Variants in RASGRP3 observed in about 807,000 individuals in gnomAD.
RASGRP3 encodes the protein RAS guanyl releasing protein 3, also known as ras guanyl-releasing protein 3.
A neutral mutation model predicts 82.7 loss-of-function variants in RASGRP3; 54 were observed. The ratio of observed to expected loss-of-function variants is 0.65; its 90% CI spans 0.52 to 0.82. The LOEUF (loss-of-function observed/expected upper bound fraction) is 0.82, where lower values mean the gene tolerates loss of function less well. Among genes scored for constraint, RASGRP3 ranks in the 40% least tolerant of loss-of-function variants. The pLI, the probability that RASGRP3 is intolerant of heterozygous loss-of-function variation, is 0.00. For synonymous variants in RASGRP3, 309 were observed against 300.5 expected, an observed-to-expected ratio of 1.03 and a Z score of -0.29; for missense variants, 861 against 828.9, an observed-to-expected ratio of 1.04 and a Z score of -0.48.
intron 1 of RASGRP3, among the ~76,000 whole-genome samples, chr2:33,490,443 C>T (rs1256546401): frequency 6.6e-6 from 1 of 152,236 alleles, no homozygotes; most frequent in Non-Finnish European, 1.5e-5. Context: ...GTGTTAAATT[C>T]TAAAAAAGCA....
chr2:33,556,433 G>A lies in RASGRP3; in HGVS notation c.1579+866G>A, dbSNP rs1366606189. Among the ~76,000 whole-genome samples the A allele has an allele frequency of 6.6e-5, 7 of 106,838 alleles. 2 individuals are homozygous for A. The highest frequency in any genetic ancestry group is 3.6e-4 in the African/African-American group (7 of 19,230). 70.1% of individuals were successfully genotyped at this position (106,838 alleles called of 152,430 possible). Reference sequence around the variant, plus strand: ...CGGCTAATTTTTTGTATTTTTAGTAGAGACGGGGTTTCACCTTGTTAGCCA... The same window carrying A: ...CGGCTAATTTTTTGTATTTTTAGTAAAGACGGGGTTTCACCTTGTTAGCCA... On this transcript the variant is annotated intron_variant, in intron 15 of 17. Coordinates refer to ENST00000403687, the MANE Select transcript of RASGRP3 (RefSeq NM_001139488.2).
intron 1 of RASGRP3, among the ~76,000 whole-genome samples, chr2:33,445,103 T>C (rs1665431119): frequency 6.6e-6 from 1 of 152,238 alleles, no homozygotes; most frequent in Non-Finnish European, 1.5e-5. Context: ...GGATAGGAAG[T>C]ATGCTATAAT....
At chr2:33,559,489 A>C in intron 17 of RASGRP3, 1 of 383,496 alleles carries the variant, frequency 2.6e-6, no homozygotes, top group Non-Finnish European at 5.2e-6. Context: ...ATCATGGAAA[A>C]GGGGGTGGTG....
At chr2:33,479,518 G>T (rs1264314800) in intron 1 of RASGRP3, among the ~76,000 whole-genome samples, 2 of 152,114 alleles carry the variant, frequency 1.3e-5, no homozygotes, top group Non-Finnish European at 2.9e-5. Context: ...GTAGGTTGTT[G>T]ATGAATAGAA....
chr2:33,495,343 G>A (rs1669209596), intron 1 of RASGRP3, among the ~76,000 whole-genome samples: 1 of 152,166 alleles, frequency 6.6e-6, no homozygotes, highest in Non-Finnish European at 1.5e-5. Flanking sequence ...TTTTCATAAG[G>A]AGCATATAAC....
intron 2 of RASGRP3, among the ~76,000 whole-genome samples, chr2:33,451,190 C>G (rs1464578621): frequency 2.0e-5 from 3 of 151,986 alleles, no homozygotes; most frequent in African/African-American, 7.2e-5. Flanking sequence ...ACCTATTGGC[C>G]ATTTGTATTT....
intron 10 of RASGRP3, chr2:33,532,732 T>A (rs1485671328): frequency 1.3e-5 from 2 of 152,130 alleles, no homozygotes; most frequent in African/African-American, 4.8e-5. Flanking sequence ...TTATTTTGTT[T>A]AGAAAAAAAA....
chr2:33,494,448 C>G (rs1669132558), intron 1 of RASGRP3, among the ~76,000 whole-genome samples: 1 of 152,190 alleles, frequency 6.6e-6, no homozygotes, highest in Non-Finnish European at 1.5e-5. Flanking sequence ...GTGACTCATT[C>G]TAAGGGCTAG....
At chr2:33,552,764 G>T (rs1009089856) in intron 14 of RASGRP3, among the ~76,000 whole-genome samples, 34 of 151,628 alleles carry the variant, frequency 2.2e-4, no homozygotes, top group African/African-American at 8.1e-4. Context: ...TGTAGATGAA[G>T]AAACTGAGGT....
At chr2:33,530,497 C>CTTTTTT (rs746592952) in intron 10 of RASGRP3, among the ~76,000 whole-genome samples, 3 of 117,108 alleles carry the variant, frequency 2.6e-5, no homozygotes, top group Non-Finnish European at 3.4e-5. Context: ...CTGCCCCTTC[C>CTTTTTT]TTTTTTTTTT....
At chr2:33,535,847 TAGTTTTGTCATG>T (rs1351031425) in intron 11 of RASGRP3, among the ~76,000 whole-genome samples, 5 of 152,242 alleles carry the variant, frequency 3.3e-5, no homozygotes, top group Admixed American at 6.5e-5. Flanking sequence ...CCTAATTCTG[TAGTTTTGTCATG>T]ACGAACCTGG....
intron 1 of RASGRP3, among the ~76,000 whole-genome samples, chr2:33,486,922 C>A (rs28565307): frequency 6.6e-6 from 1 of 151,680 alleles, no homozygotes; most frequent in Non-Finnish European, 1.5e-5. Flanking sequence ...TGAAGCATGT[C>A]GGTATTTTTG....
chr2:33,446,186 C>CT (rs1665489427), intron 1 of RASGRP3, among the ~76,000 whole-genome samples: 1 of 152,120 alleles, frequency 6.6e-6, no homozygotes, highest in Non-Finnish European at 1.5e-5. Flanking sequence ...GAGACGGAGT[C>CT]TCGCTCTGTC....
At chr2:33,446,306 G>A (rs1045938023) in intron 1 of RASGRP3, among the ~76,000 whole-genome samples, 2 of 152,014 alleles carry the variant, frequency 1.3e-5, no homozygotes, top group Non-Finnish European at 2.9e-5. Context: ...ACAGGCACCC[G>A]CCACCACGCC....
At chr2:33,525,184 C>T (rs1003337200) in intron 9 of RASGRP3, among the ~76,000 whole-genome samples, 1 of 150,268 alleles carries the variant, frequency 6.7e-6, no homozygotes, top group Non-Finnish European at 1.5e-5. Context: ...CATTGTGATA[C>T]ACAAGGTAAA....
At chr2:33,516,917 A>AT (rs1671519802) in intron 4 of RASGRP3, 1 of 277,972 alleles carries the variant, frequency 3.6e-6, no homozygotes, top group Non-Finnish European at 6.7e-6. Flanking sequence ...AACTTGTCTT[A>AT]AACATTTCTG....
chr2:33,447,660 A>G (rs773589356), intron 1 of RASGRP3, among the ~76,000 whole-genome samples: 82 of 152,178 alleles, frequency 5.4e-4, no homozygotes, highest in Admixed American at 2.7e-3. Flanking sequence ...CCTGATATCA[A>G]GTGATTCGAC....
chr2:33,486,178 T>TGA (rs560214980), intron 1 of RASGRP3, among the ~76,000 whole-genome samples: 59 of 120,038 alleles, frequency 4.9e-4, no homozygotes, highest in South Asian at 3.0e-3. Context: ...TTTTTTTTTT[T>TGA]GAGAGAGAGA....
At chr2:33,463,702 G>T (rs374520615) in intron 2 of RASGRP3, among the ~76,000 whole-genome samples, 47 of 148,816 alleles carry the variant, frequency 3.2e-4, no homozygotes, top group South Asian at 2.4e-3. Flanking sequence ...AGGTTCAAGC[G>T]ATTCTCCTGC....
Sources: allele counts gnomAD v4.1 joint callset (sites outside exome capture counted in the v4.1 genomes callset), GRCh38; gene constraint gnomAD v4.1.1; transcripts MANE v1.5; gene names NCBI Gene and HGNC (gene_info 2026-07-23, HGNC 2026-07-21).